DLG2: variants seen among roughly 807,000 people sequenced by gnomAD.
DLG2 encodes discs large MAGUK scaffold protein 2, also known as disks large homolog 2.
DLG2 carries 45 observed loss-of-function variants against 132.5 expected under a neutral mutation model. The observed-to-expected ratio is 0.34, with a 90% confidence interval of 0.27 to 0.44. DLG2 has a LOEUF of 0.44. Ranked by LOEUF, DLG2 falls within the 20% of genes least tolerant of loss-of-function variation. The probability of loss-of-function intolerance (pLI) is 1.00; values close to 1 mark genes in which losing one functional copy is unlikely to be tolerated. For synonymous variants in DLG2, 424 were observed against 419.6 expected (o/e 1.01, Z -0.13); for missense variants, 1,045 against 1,196.9 (o/e 0.87, Z 1.87).
At chr11:83,940,318 T>A (rs1042509127) in intron 14 of DLG2, among the ~76,000 whole-genome samples, 4 of 152,214 alleles carry the variant, frequency 2.6e-5, no homozygotes, top group Admixed American at 2.0e-4. Flanking sequence ...CATACAGTAT[T>A]TCTTCATGAT....
chr11:85,628,373 T>G (rs540450243), upstream of DLG2, among the ~76,000 whole-genome samples: 1 of 152,296 alleles, frequency 6.6e-6, no homozygotes, highest in East Asian at 1.9e-4. Flanking sequence ...GGGAAGGAAA[T>G]ACTCGGCTGG....
intron 7 of DLG2, among the ~76,000 whole-genome samples, chr11:84,450,521 C>T (rs1291929404): frequency 6.7e-6 from 1 of 149,562 alleles, no homozygotes; most frequent in Non-Finnish European, 1.5e-5. Flanking sequence ...CATAATTAGA[C>T]AATGTCAATA....
chr11:83,917,904 A>T (rs574489193), intron 15 of DLG2, among the ~76,000 whole-genome samples: 1 of 152,262 alleles, frequency 6.6e-6, no homozygotes, highest in South Asian at 2.1e-4. Flanking sequence ...CTACAATTCG[A>T]TTCTGGCTGT....
At chr11:84,046,858 C>A (rs1251377256) in intron 11 of DLG2, among the ~76,000 whole-genome samples, 1 of 151,536 alleles carries the variant, frequency 6.6e-6, no homozygotes, top group Non-Finnish European at 1.5e-5. Flanking sequence ...CGATAAAGTA[C>A]CCAAAGTATC....
At position 84,047,097 on chromosome 11, in the gene DLG2, G is replaced by C. The variant is rs1475145607; in HGVS notation, c.919+12218C>G. On this transcript the variant is annotated intron_variant, in intron 11 of 27. Coordinates refer to ENST00000376104, the MANE Select transcript of DLG2 (RefSeq NM_001142699.3). ...TCATGAAGAATTTAGCATGAAGTCA[G>C]TATCAGTCAGCAGAGGAGGACTGCA... 4.0e-5 allele frequency among the ~76,000 whole-genome samples: 6 copies of C among 151,622 alleles called. 1 individual carries two copies. The highest frequency in any genetic ancestry group is 2.0e-4 in the Admixed American group (3 of 15,154).
intron 11 of DLG2, among the ~76,000 whole-genome samples, chr11:84,047,620 T>C (rs552044530): frequency 2.0e-5 from 3 of 151,762 alleles, no homozygotes; most frequent in African/African-American, 7.2e-5. Context: ...AAAGTACATT[T>C]AGTACAGTGC....
chr11:83,714,396 G>C (rs1285743754), intron 18 of DLG2, among the ~76,000 whole-genome samples: 1 of 152,104 alleles, frequency 6.6e-6, no homozygotes, highest in Non-Finnish European at 1.5e-5. Context: ...ATAATGATCT[G>C]ACTCCATATG....
chr11:83,906,115 T>G (rs2074750280), intron 15 of DLG2, among the ~76,000 whole-genome samples: 1 of 141,794 alleles, frequency 7.1e-6, no homozygotes, highest in African/African-American at 2.6e-5. Context: ...ACATATATAG[T>G]TTTGCACTAT....
intron 5 of DLG2, among the ~76,000 whole-genome samples, chr11:85,148,557 G>T (rs575402103): frequency 6.6e-6 from 1 of 152,148 alleles, no homozygotes; most frequent in Admixed American, 6.5e-5. Flanking sequence ...TCGTATTTTG[G>T]GAAGTGTCTG....
intron 4 of DLG2, among the ~76,000 whole-genome samples, chr11:85,195,528 T>G (rs1480453619): frequency 2.7e-5 from 4 of 150,566 alleles, no homozygotes; most frequent in Non-Finnish European, 3.0e-5. Context: ...ACAGTGTTTT[T>G]TTTTTTTTTT....
At chr11:84,833,106 A>C (rs2079251583) in intron 6 of DLG2, among the ~76,000 whole-genome samples, 1 of 151,656 alleles carries the variant, frequency 6.6e-6, no homozygotes, top group African/African-American at 2.4e-5. Flanking sequence ...CCTCACTCCC[A>C]AAGAAGGTAA....
At chr11:84,734,088 T>C (rs1171897247) in intron 6 of DLG2, among the ~76,000 whole-genome samples, 1 of 152,202 alleles carries the variant, frequency 6.6e-6, no homozygotes, top group Non-Finnish European at 1.5e-5. Context: ...TCCAGCTTTG[T>C]TCTCTTGGCT....
chr11:84,564,216 T>C (rs1281434076), intron 6 of DLG2, among the ~76,000 whole-genome samples: 1 of 152,206 alleles, frequency 6.6e-6, no homozygotes, highest in Non-Finnish European at 1.5e-5. Flanking sequence ...TGGGGGTTTT[T>C]ATAAAAGCTT....
chr11:84,563,250 A>G (rs996024344), intron 6 of DLG2, among the ~76,000 whole-genome samples: 9 of 152,210 alleles, frequency 5.9e-5, no homozygotes, highest in African/African-American at 1.9e-4. Flanking sequence ...ATCTCAAAAC[A>G]TGATGGTGAG....
chr11:84,921,980 T>G (rs1428746096), intron 6 of DLG2, among the ~76,000 whole-genome samples: 2 of 152,152 alleles, frequency 1.3e-5, no homozygotes, highest in Non-Finnish European at 2.9e-5. Context: ...GTTGTAGTTG[T>G]AAAAGAATTG....
At chr11:84,476,796 A>G (rs1327492795) in intron 7 of DLG2, among the ~76,000 whole-genome samples, 1 of 152,148 alleles carries the variant, frequency 6.6e-6, no homozygotes, top group Non-Finnish European at 1.5e-5. Flanking sequence ...ACCAACTGCC[A>G]AACATTTGAA....
At chr11:85,404,115 T>C (rs2088482675) in intron 3 of DLG2, among the ~76,000 whole-genome samples, 1 of 151,938 alleles carries the variant, frequency 6.6e-6, no homozygotes, top group Non-Finnish European at 1.5e-5. Context: ...ACCCTAACCT[T>C]GAATGGATTA....
rs182392864 is a variant in DLG2, at chr11:84,931,369, C to T, written c.357+180292G>A. 1.7e-4 allele frequency among the ~76,000 whole-genome samples: 26 copies of T among 152,138 alleles called. 1 individual carries two copies. The East Asian group carries it at 2.7e-3, about 16-fold the overall frequency. Reference sequence around the variant, plus strand: ...TTTGTGTCATTCCCCTCTATGTGTCCGTGTTTTCTCATCATCTAGCTCCCA... The same window carrying T: ...TTTGTGTCATTCCCCTCTATGTGTCTGTGTTTTCTCATCATCTAGCTCCCA... On this transcript the variant is annotated intron_variant, in intron 6 of 27. Transcript: ENST00000376104.
chr11:85,465,421 C>T (rs1295726787), intron 3 of DLG2, among the ~76,000 whole-genome samples: 1 of 152,060 alleles, frequency 6.6e-6, no homozygotes, highest in East Asian at 1.9e-4. Flanking sequence ...CGTCATTTAA[C>T]ATTAGGTATA....
Sources: gnomAD v4.1 joint callset for allele counts (sites outside exome capture counted in the v4.1 genomes callset) on GRCh38, gnomAD v4.1.1 for gene constraint, MANE v1.5 for transcripts, NCBI Gene and HGNC (gene_info 2026-07-23, HGNC 2026-07-21) for gene names.